ARHGAP42: variants seen among roughly 807,000 people sequenced by gnomAD.
ARHGAP42 encodes rho GTPase-activating protein 42.
ARHGAP42 carries 63 observed loss-of-function variants against 125.0 expected under a neutral mutation model. That is an observed-to-expected ratio of 0.50 (90% CI 0.41 to 0.62). The LOEUF is 0.62. ARHGAP42 is among the 20% of genes least tolerant of loss of function. The probability of loss-of-function intolerance (pLI) is 0.00; values close to 1 mark genes in which losing one functional copy is unlikely to be tolerated. For missense variants in ARHGAP42, 766 were observed against 1,024.2 expected, an observed-to-expected ratio of 0.75 and a Z score of 3.44; for synonymous variants, 339 against 351.0, an observed-to-expected ratio of 0.97 and a Z score of 0.38.
chr11:100,703,849 C>A (rs897578277), intron 1 of ARHGAP42, among the ~76,000 whole-genome samples: 1 of 152,084 alleles, frequency 6.6e-6, no homozygotes, highest in African/African-American at 2.4e-5. Context: ...ATTAACAGGC[C>A]AAACTGCAGA....
intron 1 of ARHGAP42, among the ~76,000 whole-genome samples, chr11:100,695,595 G>A (rs774949028): frequency 5.9e-5 from 9 of 152,076 alleles, no homozygotes; most frequent in Non-Finnish European, 1.2e-4. Flanking sequence ...TTGAGCCACC[G>A]CACCCGGCCT....
intron 2 of ARHGAP42, among the ~76,000 whole-genome samples, chr11:100,788,782 T>C (rs582409): frequency 0.5 from 76,211 of 151,934 alleles, 19,924 homozygotes; most frequent in South Asian, 0.63. Flanking sequence ...ATTGTTTAGG[T>C]ATACCACAAA....
chr11:100,807,713 A>T (rs1864031560), intron 3 of ARHGAP42, among the ~76,000 whole-genome samples: 1 of 152,060 alleles, frequency 6.6e-6, no homozygotes, highest in African/African-American at 2.4e-5. Context: ...TGCACTTCTG[A>T]TCTCTTTCCT....
At chr11:100,863,662 T>C (rs1261758321) in intron 4 of ARHGAP42, among the ~76,000 whole-genome samples, 1 of 152,212 alleles carries the variant, frequency 6.6e-6, no homozygotes, top group Non-Finnish European at 1.5e-5. Flanking sequence ...GGTTCTGCTG[T>C]TTCAGATACT....
chr11:100,984,823 T>C (rs553248159), intron 22 of ARHGAP42, among the ~76,000 whole-genome samples: 4 of 152,204 alleles, frequency 2.6e-5, no homozygotes, highest in African/African-American at 9.6e-5. Context: ...GTGACAGTGT[T>C]ATTTTCACAT....
chr11:100,985,059 T>C (rs1451694193), intron 22 of ARHGAP42, among the ~76,000 whole-genome samples: 5 of 152,182 alleles, frequency 3.3e-5, no homozygotes, highest in African/African-American at 1.2e-4. Flanking sequence ...AATATGTATG[T>C]CTTTATTTAT....
At chr11:100,780,668 C>T (rs962805189) in intron 2 of ARHGAP42, among the ~76,000 whole-genome samples, 1 of 152,238 alleles carries the variant, frequency 6.6e-6, no homozygotes, top group African/African-American at 2.4e-5. Context: ...GTAGCTTTCT[C>T]TTGCCTCTCT....
In ARHGAP42 at chr11:100,899,620, C is replaced by CT. The variant is rs1349989299; in HGVS notation, c.385-13830dup. Among the ~76,000 whole-genome samples the CT allele has an allele frequency of 3.7e-4, 55 of 149,632 alleles. 1 individual carries two copies. Among genetic ancestry groups the CT allele is most frequent in the African/African-American group, 1.1e-3 (47 of 40,948 alleles). On this transcript the variant is annotated intron_variant, in intron 4 of 23. Transcript: ENST00000298815. ...AATGGACTTCTTTGTCTCTTTTGAT[C>CT]TTGTTGGTTTAAAGTCTGTTTTATC...
At chr11:100,705,402 G>A (rs1429641017) in intron 1 of ARHGAP42, among the ~76,000 whole-genome samples, 3 of 152,180 alleles carry the variant, frequency 2.0e-5, no homozygotes, top group African/African-American at 7.2e-5. Flanking sequence ...CTAGGTCTGC[G>A]GCTAGTTAGC....
intron 5 of ARHGAP42, among the ~76,000 whole-genome samples, chr11:100,915,137 C>T (rs1867029532): frequency 6.6e-6 from 1 of 152,110 alleles, no homozygotes; most frequent in Non-Finnish European, 1.5e-5. Flanking sequence ...TGATGGAAGA[C>T]AATCTGCCAT....
chr11:100,893,404 T>C (rs999929022), intron 4 of ARHGAP42, among the ~76,000 whole-genome samples: 1 of 152,146 alleles, frequency 6.6e-6, no homozygotes, highest in African/African-American at 2.4e-5. Context: ...TAATTATTTT[T>C]CAAGTATTGT....
chr11:100,758,641 G>A (rs891432648), intron 1 of ARHGAP42, among the ~76,000 whole-genome samples: 1 of 152,062 alleles, frequency 6.6e-6, no homozygotes, highest in Non-Finnish European at 1.5e-5. Context: ...TCCAGTCATT[G>A]TTTACCTCTT....
At chr11:100,987,143 A>C (rs1858699680) in intron 22 of ARHGAP42, among the ~76,000 whole-genome samples, 1 of 152,210 alleles carries the variant, frequency 6.6e-6, no homozygotes, top group Non-Finnish European at 1.5e-5. Flanking sequence ...GGGAAAAAAA[A>C]GCTTTGGGGT....
rs1376443629 is a variant in ARHGAP42 at position 100,884,053 on chromosome 11, CCG to C, written c.384+24430_384+24431del. 2.0e-3 allele frequency among the ~76,000 whole-genome samples: 302 copies of C among 152,284 alleles called. 2 individuals are homozygous for C. Among genetic ancestry groups the C allele is most frequent in the Non-Finnish European group, 1.3e-3 (87 of 68,034 alleles). ...TACCTTAGGCATAATTAGAATAAGA[CCG>C]CACACAGTGGATTTTCCCCCACTCA... On this transcript the variant is annotated intron_variant, in intron 4 of 23. Coordinates refer to ENST00000298815, the MANE Select transcript of ARHGAP42 (RefSeq NM_152432.4).
chr11:100,968,837 T>A (rs1239093655), intron 17 of ARHGAP42, among the ~76,000 whole-genome samples: 1 of 152,156 alleles, frequency 6.6e-6, no homozygotes. Flanking sequence ...AATACATACA[T>A]ATTATTAAAA....
chr11:100,878,192 A>C (rs1865870176), intron 4 of ARHGAP42, among the ~76,000 whole-genome samples: 1 of 151,610 alleles, frequency 6.6e-6, no homozygotes, highest in African/African-American at 2.4e-5. Flanking sequence ...GCAATGGCAC[A>C]ATCTCAGCTC....
chr11:100,861,899 T>TC (rs1865453719), intron 4 of ARHGAP42, among the ~76,000 whole-genome samples: 2 of 152,242 alleles, frequency 1.3e-5, no homozygotes, highest in South Asian at 4.2e-4. Context: ...TAGATCCCTT[T>TC]GAGAAAGAAT....
chr11:100,960,970 A>G lies in ARHGAP42; in HGVS notation c.1281A>G (p.Lys427=), dbSNP rs1565295828. ...RIGGVNSKVQ[K]LMNTTFSPKS... ...GAGGAGTGAACTCCAAAGTTCAAAA[A>G]CTCATGAATACCACATTTTGTAAGT... The change falls in exon 14 of 24, where the codon AAA becomes AAG. Residue 427 remains lysine, a synonymous_variant. Transcript: ENST00000298815. 3 of 1,540,118 alleles carry G rather than the reference A, an allele frequency of 1.9e-6. No individual in the cohort carries two copies. Among genetic ancestry groups the G allele is most frequent in the Admixed American group, 2.0e-5 (1 of 50,086 alleles).
chr11:100,903,691 T>C (rs1313019606), intron 4 of ARHGAP42, among the ~76,000 whole-genome samples: 1 of 115,580 alleles, frequency 8.7e-6, no homozygotes, highest in South Asian at 2.7e-4. Context: ...AGAATGTATA[T>C]ATATACATGT....
Sources: allele counts gnomAD v4.1 joint callset (sites outside exome capture counted in the v4.1 genomes callset), GRCh38; gene constraint gnomAD v4.1.1; transcripts MANE v1.5; gene names NCBI Gene and HGNC (gene_info 2026-07-23, HGNC 2026-07-21).